STARD13: variants seen among roughly 807,000 people sequenced by gnomAD.
STARD13 encodes the protein stAR-related lipid transfer protein 13.
STARD13 carries 62 observed loss-of-function variants against 106.4 expected under a neutral mutation model. The observed-to-expected ratio is 0.58, with a 90% CI of 0.48 to 0.72. STARD13 has a LOEUF of 0.72. STARD13 is among the 30% of genes least tolerant of loss of function. The probability of loss-of-function intolerance (pLI) is 0.00; values close to 1 mark genes in which losing one functional copy is unlikely to be tolerated. For synonymous variants in STARD13, 565 were observed against 553.0 expected, an observed-to-expected ratio of 1.02 and a Z score of -0.31; for missense variants, 1,387 against 1,424.0, an observed-to-expected ratio of 0.97 and a Z score of 0.42.
chr13:33,373,048 T>C, the STARD13 span, among the ~76,000 whole-genome samples: 1 of 152,154 alleles, frequency 6.6e-6, no homozygotes, highest in Non-Finnish European at 1.5e-5. Flanking sequence ...AGTTGACTTT[T>C]ATTATGCTAC....
chr13:33,146,848 C>T (rs1041663369), intron 3 of STARD13, among the ~76,000 whole-genome samples: 3 of 152,180 alleles, frequency 2.0e-5, no homozygotes, highest in African/African-American at 7.2e-5. Flanking sequence ...CACCCTATTC[C>T]TATGCCCTTT....
At chr13:33,612,920 T>C in the STARD13 span, among the ~76,000 whole-genome samples, 1 of 152,226 alleles carries the variant, frequency 6.6e-6, no homozygotes. Flanking sequence ...GTTAATAAGT[T>C]GCCTAAAGGC....
the STARD13 span, among the ~76,000 whole-genome samples, chr13:33,446,868 A>G: frequency 6.6e-6 from 1 of 152,326 alleles, no homozygotes; most frequent in African/African-American, 2.4e-5. Flanking sequence ...GTTAACATTT[A>G]AGGAAAAAAC....
the STARD13 span, among the ~76,000 whole-genome samples, chr13:33,535,736 C>T: frequency 6.6e-6 from 1 of 152,186 alleles, no homozygotes; most frequent in Admixed American, 6.5e-5. Context: ...TATGTTCTAG[C>T]CCTCAAATGT....
the STARD13 span, among the ~76,000 whole-genome samples, chr13:33,376,941 T>C: frequency 0.21 from 31,621 of 152,122 alleles, 3,543 homozygotes; most frequent in African/African-American, 0.23. Context: ...CTGGGGCCAC[T>C]GTGGGGAAAA....
Position 33,170,782 on chromosome 13 carries a change from C to T in STARD13, c.170-3160G>A, listed in dbSNP as rs1004908574. 1.2e-4 allele frequency among the ~76,000 whole-genome samples: 18 copies of T among 152,288 alleles called. No individual in the cohort carries two copies. The South Asian group carries it at 2.7e-3, about 23-fold the overall frequency. On this transcript the variant is annotated intron_variant, in intron 1 of 13. Coordinates refer to ENST00000336934, the MANE Select transcript of STARD13 (RefSeq NM_178006.4). The stretch of plus-strand genomic sequence containing the variant: ...CCCACCCTAGCTGCAGTCCCAACAT[C>T]TTGATACCTCAATTTAAGGACAAAG...
chr13:33,149,433 T>C (rs1331456725), intron 3 of STARD13, among the ~76,000 whole-genome samples: 1 of 152,248 alleles, frequency 6.6e-6, no homozygotes, highest in Non-Finnish European at 1.5e-5. Context: ...TTTCATTTTT[T>C]GGACTTTGAA....
chr13:33,191,552 G>A (rs1428404970), intron 1 of STARD13, among the ~76,000 whole-genome samples: 1 of 152,196 alleles, frequency 6.6e-6, no homozygotes, highest in Admixed American at 6.5e-5. Flanking sequence ...TGTGATTATA[G>A]ACAAAAGCCA....
chr13:33,268,574 G>A (rs1891017085), intron 1 of STARD13, among the ~76,000 whole-genome samples: 1 of 152,182 alleles, frequency 6.6e-6, no homozygotes, highest in South Asian at 2.1e-4. Flanking sequence ...TTTAGACGAG[G>A]AAATAGGCTT....
At chr13:33,222,891 T>C (rs1441079476) in intron 1 of STARD13, among the ~76,000 whole-genome samples, 1 of 152,242 alleles carries the variant, frequency 6.6e-6, no homozygotes, top group Non-Finnish European at 1.5e-5. Context: ...GCTGTAATTC[T>C]TATTTGTTCC....
intron 1 of STARD13, among the ~76,000 whole-genome samples, chr13:33,319,399 T>C (rs1893467854): frequency 6.6e-6 from 1 of 152,152 alleles, no homozygotes; most frequent in African/African-American, 2.4e-5. Context: ...TACAGCATAA[T>C]TGCAAATAGG....
chr13:33,661,474 C>T, the STARD13 span: 1 of 152,148 alleles, frequency 6.6e-6, no homozygotes, highest in African/African-American at 2.4e-5. Context: ...GTGTATGAGT[C>T]CGTTCTCACA....
At chr13:33,648,131 G>A in the STARD13 span, among the ~76,000 whole-genome samples, 2 of 152,064 alleles carry the variant, frequency 1.3e-5, no homozygotes, top group African/African-American at 4.8e-5. Context: ...TGACAAACAA[G>A]TACATTATAA....
At chr13:33,163,615 TATATATATAAAACATATATATATAAC>T (rs1473948333) in intron 3 of STARD13, among the ~76,000 whole-genome samples, 6 of 134,072 alleles carry the variant, frequency 4.5e-5, no homozygotes, top group African/African-American at 1.8e-4. Context: ...AATATATATA[TATATATATAAAACATATATATATAAC>T]ATATATATAT....
At chr13:33,381,001 G>A in the STARD13 span, among the ~76,000 whole-genome samples, 1 of 152,166 alleles carries the variant, frequency 6.6e-6, no homozygotes, top group Non-Finnish European at 1.5e-5. Context: ...AGGCAATGAG[G>A]TAGGAACAAA....
chr13:33,126,208 A>T lies in STARD13; in HGVS notation c.1955T>A (p.Val652Asp). 1.2e-6 allele frequency: 2 copies of T among 1,614,176 alleles called. No homozygotes were observed. Among genetic ancestry groups the T allele is most frequent in the Non-Finnish European group, 1.7e-6 (2 of 1,180,032 alleles). ...SVPKFMKRMK[V>D]PDYKDKAVFG... ...GACAGCCTTGTCTTTGTAGTCGGGA[A>T]CTTTCATCCTCTTCATGAACTTTGG... is the stretch of plus-strand genomic sequence containing the variant. Residue 652 changes from valine to aspartate, a missense_variant, in exon 7 of 14, where the codon GTT (valine) becomes GAT (aspartate). Coordinates refer to ENST00000336934, the MANE Select transcript of STARD13 (RefSeq NM_178006.4).
At chr13:33,611,692 T>C in the STARD13 span, among the ~76,000 whole-genome samples, 1 of 152,194 alleles carries the variant, frequency 6.6e-6, no homozygotes, top group Non-Finnish European at 1.5e-5. Flanking sequence ...AGCAGGTCAT[T>C]TATTCAAAAG....
the STARD13 span, among the ~76,000 whole-genome samples, chr13:33,655,879 G>A: frequency 2.0e-4 from 30 of 152,260 alleles, no homozygotes; most frequent in African/African-American, 7.0e-4. Context: ...AAATACTGCA[G>A]CTGACCCCAG....
chr13:33,312,787 CAG>C (rs960551967), intron 1 of STARD13, among the ~76,000 whole-genome samples: 1 of 152,108 alleles, frequency 6.6e-6, no homozygotes, highest in Non-Finnish European at 1.5e-5. Context: ...TTGTTGGACA[CAG>C]AGACAAATTT....
Sources: gnomAD v4.1 joint callset for allele counts (sites outside exome capture counted in the v4.1 genomes callset) on GRCh38, gnomAD v4.1.1 for gene constraint, MANE v1.5 for transcripts, NCBI Gene and HGNC (gene_info 2026-07-23, HGNC 2026-07-21) for gene names.